Variants in HCN2 observed in about 807,000 individuals in gnomAD.
HCN2 encodes hyperpolarization activated cyclic nucleotide gated potassium and sodium channel 2.
HCN2 carries 20 observed loss-of-function variants against 52.3 expected under a neutral mutation model. The observed-to-expected ratio is 0.38, with a 90% CI of 0.27 to 0.56. The LOEUF is 0.56. Among genes scored for constraint, HCN2 ranks in the 20% least tolerant of loss-of-function variants. The pLI is 0.71. For missense variants in HCN2, 981 were observed against 1,207.7 expected (o/e 0.81, Z 2.78); for synonymous variants, 694 against 537.0 (o/e 1.29, Z -4.04).
intron 1 of HCN2, among the ~76,000 whole-genome samples, chr19:602,627 G>A (rs1320170545): frequency 6.6e-6 from 1 of 152,182 alleles, no homozygotes; most frequent in African/African-American, 2.4e-5. Context: ...GCCTCGCCCT[G>A]CTGCTTCCCA....
At position 605,429 on chromosome 19, in the gene HCN2, T is replaced by A. The variant is rs12982612; in HGVS notation, c.1218+207T>A. Among the ~76,000 whole-genome samples, 167 of 38,862 alleles carry A rather than the reference T, an allele frequency of 4.3e-3. 3 individuals carry two copies. Among genetic ancestry groups the A allele is most frequent in the East Asian group, 0.03 (26 of 858 alleles). 25.5% of individuals were successfully genotyped at this position (38,862 alleles called of 152,430 possible). A position where few individuals can be genotyped will look rare whatever the true frequency, so the allele number is the denominator to read the frequency against. On this transcript the variant is annotated intron_variant, in intron 3 of 7. Transcript: ENST00000251287. ...TATGGAGGGGAGGACTCGGGCCCTT[T>A]CAGAGGCGGGGACCCAGGCGCCCCC...
At chr19:596,025 A>T (rs1983020202) in intron 1 of HCN2, among the ~76,000 whole-genome samples, 1 of 152,136 alleles carries the variant, frequency 6.6e-6, no homozygotes, top group Non-Finnish European at 1.5e-5. Context: ...CTCCCCTGGG[A>T]TCCAAGGGGC....
At chr19:615,774 C>G in intron 7 of HCN2, 21 bp from the exon 8 acceptor site, 1 of 1,609,688 alleles carries the variant, frequency 6.2e-7, no homozygotes, top group Non-Finnish European at 8.5e-7. Context: ...TGTGCACACG[C>G]TAACGCCCCC....
At chr19:598,133 C>T (rs905936686) in intron 1 of HCN2, among the ~76,000 whole-genome samples, 2 of 152,148 alleles carry the variant, frequency 1.3e-5, no homozygotes, top group South Asian at 2.1e-4. Flanking sequence ...TCAGCCCACT[C>T]GGTGCTGGGG....
In HCN2 at chr19:590,314, G is replaced by A; in HGVS notation, c.369G>A (p.Val123=). The part of the protein sequence containing the change: ...GPEGPARGPK[V]SFSCRGAASG... ...AGGGCCCGGCGCGGGGGCCCAAGGTGTCGTTCTCGTGCCGCGGGGCGGCCT... is the reference window on the plus strand; with the variant it reads ...AGGGCCCGGCGCGGGGGCCCAAGGTATCGTTCTCGTGCCGCGGGGCGGCCT... Residue 123 remains valine (V), a synonymous_variant, in exon 1 of 8, where the codon GTG becomes GTA. Transcript: ENST00000251287. The surrounding 1 kb of genome is among the most constrained non-coding windows in gnomAD (Gnocchi z 7.2). The A allele has an allele frequency of 2.0e-5, 20 of 1,015,560 alleles. No individual in the cohort carries two copies. The highest frequency in any genetic ancestry group is 2.3e-5 in the Non-Finnish European group (20 of 852,228). The allele number at this position is 1,015,560 out of a possible 1,614,324, so 62.9% of individuals were successfully genotyped here.
At chr19:598,427 C>T (rs1328862410) in intron 1 of HCN2, among the ~76,000 whole-genome samples, 1 of 152,076 alleles carries the variant, frequency 6.6e-6, no homozygotes, top group African/African-American at 2.4e-5. Context: ...CTACCTCAGC[C>T]TCCCAAGTAG....
At chr19:605,247 G>A (rs529143933) in intron 3 of HCN2, 25 bp downstream of exon 3, 3 of 1,606,906 alleles carry the variant, frequency 1.9e-6, no homozygotes, top group Non-Finnish European at 1.7e-6. Flanking sequence ...CCCTGACGGA[G>A]GGGGAGACGC....
chr19:594,429 T>G (rs1448351082), intron 1 of HCN2, among the ~76,000 whole-genome samples: 1 of 152,156 alleles, frequency 6.6e-6, no homozygotes, highest in East Asian at 1.9e-4. Context: ...TCTGTGTTTC[T>G]GAATTGTCTT....
At position 603,527 on chromosome 19, in the gene HCN2, G is replaced by A; in HGVS notation, c.633-17G>A. ...CGGGGAGGCACCGGCCTGAGGTGTGGGCACCCTCGCCCCCAGGTTCTACTG... is the reference window on the plus strand; with the variant it reads ...CGGGGAGGCACCGGCCTGAGGTGTGAGCACCCTCGCCCCCAGGTTCTACTG... On this transcript the variant is annotated splice_polypyrimidine_tract_variant and intron_variant, in intron 1 of 7. Coordinates refer to ENST00000251287, the MANE Select transcript of HCN2 (RefSeq NM_001194.4). 1.3e-6 allele frequency: 2 copies of A among 1,591,972 alleles called. No homozygotes were observed. The highest frequency in any genetic ancestry group is 1.7e-6 in the Non-Finnish European group (2 of 1,166,360).
Position 613,874 on chromosome 19 carries a change from C to T in HCN2, c.1848C>T (p.Gly616=), listed in dbSNP as rs771373581. ...CAGAGATCTGCCTGCTCACCCGGGG[C>T]CGCCGCACGGCGAGCGTGCGGGCTG... ...YFGEICLLTR[G]RRTASVRADT... Residue 616 remains glycine, a synonymous_variant, in exon 7 of 8, where the codon GGC becomes GGT. Coordinates refer to ENST00000251287, the MANE Select transcript of HCN2 (RefSeq NM_001194.4). 3 of 1,590,350 alleles carry T rather than the reference C, an allele frequency of 1.9e-6. No homozygotes were observed. Among genetic ancestry groups the T allele is most frequent in the African/African-American group, 1.4e-5 (1 of 72,434 alleles).
In HCN2 at chr19:596,733, C is replaced by T. The variant is rs543226670; in HGVS notation, c.632+6156C>T. 3.3e-4 allele frequency among the ~76,000 whole-genome samples: 50 copies of T among 152,234 alleles called. 1 individual carries two copies. Among genetic ancestry groups the T allele is most frequent in the Admixed American group, 2.2e-3 (34 of 15,292 alleles). On this transcript the variant is annotated intron_variant, in intron 1 of 7. Coordinates refer to ENST00000251287, the MANE Select transcript of HCN2 (RefSeq NM_001194.4). ...CGGATGGGGAAAGGGCTGCCGGACGCGGCTGCACAGAGTGTGAGGGGGAGT... is the reference window on the plus strand; with the variant it reads ...CGGATGGGGAAAGGGCTGCCGGACGTGGCTGCACAGAGTGTGAGGGGGAGT...
Position 592,401 on chromosome 19 carries a change from TG to T in HCN2, c.632+1830del, listed in dbSNP as rs1982900842. Among the ~76,000 whole-genome samples, 1 of 151,906 alleles carries T rather than the reference TG, an allele frequency of 6.6e-6. No homozygotes were observed. The highest frequency in any genetic ancestry group is 6.6e-5 in the Admixed American group (1 of 15,266). On this transcript the variant is annotated intron_variant, in intron 1 of 7. Coordinates refer to ENST00000251287, the MANE Select transcript of HCN2 (RefSeq NM_001194.4). The surrounding 1 kb of genome is among the most constrained non-coding windows in gnomAD (Gnocchi z 4.8). ...TGGGCAGATGGCTGATCCCGGGGCT[TG>T]GGGGGAAGGCCGGTGGTAGGAGTGA... is the stretch of plus-strand genomic sequence containing the variant.
chr19:612,853 TTTTC>T (rs1568368102), intron 5 of HCN2, among the ~76,000 whole-genome samples: 5 of 131,244 alleles, frequency 3.8e-5, no homozygotes, highest in South Asian at 2.4e-4. Flanking sequence ...TGTTTTTTTT[TTTTC>T]CGGTAGAGAC....
At chr19:610,231 C>G (rs1345858609) in intron 4 of HCN2, 28 bp from the exon 5 acceptor site, 1 of 1,606,640 alleles carries the variant, frequency 6.2e-7, no homozygotes, top group Admixed American at 1.7e-5. Context: ...GGGGCGGTGT[C>G]TGACCCAGCC....
intron 5 of HCN2, among the ~76,000 whole-genome samples, chr19:611,040 G>A (rs1983614326): frequency 6.6e-6 from 1 of 152,204 alleles, no homozygotes. Flanking sequence ...TCTCCCCTGT[G>A]TGTCTCTGTC....
chr19:598,090 G>A (rs934514748), intron 1 of HCN2, among the ~76,000 whole-genome samples: 1 of 152,218 alleles, frequency 6.6e-6, no homozygotes, highest in African/African-American at 2.4e-5. Flanking sequence ...GGGCTGAGGG[G>A]CAGGGGGCCA....
Position 615,895 on chromosome 19 carries a change from C to T in HCN2, c.2091C>T (p.Tyr697=), listed in dbSNP as rs773062478. ...ENAIIQEIVK[Y]DREMVQQAEL... ...CCATCATCCAGGAGATCGTCAAGTA[C>T]GACCGCGAGATGGTGCAGCAGGCCG... The change falls in exon 8 of 8, where the codon TAC becomes TAT. Residue 697 remains tyrosine, a synonymous_variant. Transcript: ENST00000251287. 2.5e-6 allele frequency: 4 copies of T among 1,612,608 alleles called. No homozygotes were observed. The highest frequency in any genetic ancestry group is 2.7e-5 in the African/African-American group (2 of 74,926).
intron 1 of HCN2, among the ~76,000 whole-genome samples, chr19:601,820 T>G (rs1015124904): frequency 1.4e-5 from 2 of 148,096 alleles, no homozygotes; most frequent in Non-Finnish European, 3.0e-5. Flanking sequence ...CAGCACCGTG[T>G]CTGGCCCGCC....
Position 605,054 on chromosome 19 carries a change from C to T in HCN2, c.1057-7C>T, listed in dbSNP as rs1289267886. ...GGGTAGGGTGGGCTCACGGCGCCTT[C>T]CTGCAGATCTTCCACATGACCTATG... is the stretch of plus-strand genomic sequence containing the variant. On this transcript the variant is annotated splice_polypyrimidine_tract_variant and splice_region_variant and intron_variant, in intron 2 of 7. Transcript: ENST00000251287. 1.2e-6 allele frequency: 2 copies of T among 1,607,500 alleles called. No homozygotes were observed. Among genetic ancestry groups the T allele is most frequent in the East Asian group, 2.2e-5 (1 of 44,752 alleles).
Sources: allele counts gnomAD v4.1 joint callset (sites outside exome capture counted in the v4.1 genomes callset), GRCh38; gene constraint gnomAD v4.1.1; non-coding constraint Gnocchi (gnomAD v3.1); transcripts MANE v1.5; gene names NCBI Gene and HGNC (gene_info 2026-07-23, HGNC 2026-07-21).